Variants in PTPRD observed in about 807,000 individuals in gnomAD.
The protein encoded by PTPRD is protein tyrosine phosphatase receptor type D.
Under a neutral mutation model 214.5 loss-of-function variants are expected in PTPRD, and 34 were observed. The observed-to-expected ratio is 0.16, with a 90% confidence interval of 0.12 to 0.21. The LOEUF (loss-of-function observed/expected upper bound fraction) is 0.21, where lower values mean the gene tolerates loss of function less well. PTPRD is among the 10% of genes least tolerant of loss of function. The pLI is 1.00. For synonymous variants in PTPRD, 1,128 were observed against 845.7 expected, an observed-to-expected ratio of 1.33 and a Z score of -5.79; for missense variants, 2,545 against 2,398.7, an observed-to-expected ratio of 1.06 and a Z score of -1.27.
At chr9:9,974,431 G>GTATT (rs1430921244) in intron 4 of PTPRD, among the ~76,000 whole-genome samples, 1 of 152,070 alleles carries the variant, frequency 6.6e-6, no homozygotes, top group Non-Finnish European at 1.5e-5. Flanking sequence ...GTAAAATATC[G>GTATT]TATTTTGTCC....
At chr9:8,603,121 A>T (rs955048909) in intron 14 of PTPRD, among the ~76,000 whole-genome samples, 5 of 152,232 alleles carry the variant, frequency 3.3e-5, no homozygotes, top group Non-Finnish European at 7.3e-5. Flanking sequence ...TCATGGAAGT[A>T]TACTATAATC....
intron 9 of PTPRD, among the ~76,000 whole-genome samples, chr9:9,343,824 T>C (rs1369685753): frequency 6.6e-6 from 1 of 152,066 alleles, no homozygotes; most frequent in Non-Finnish European, 1.5e-5. Flanking sequence ...GGGGAGGATG[T>C]TTCTCTTTTC....
At chr9:8,581,676 G>A (rs1442799883) in intron 14 of PTPRD, among the ~76,000 whole-genome samples, 3 of 151,962 alleles carry the variant, frequency 2.0e-5, no homozygotes, top group Admixed American at 1.3e-4. Context: ...TGAACCCAGA[G>A]GCAAAGCTTG....
chr9:9,175,889 T>A (rs371279148), intron 10 of PTPRD, among the ~76,000 whole-genome samples: 22 of 152,118 alleles, frequency 1.4e-4, no homozygotes, highest in African/African-American at 5.3e-4. Flanking sequence ...GCAATGGGTA[T>A]AACTTAATGC....
chr9:8,361,871 A>T (rs776880510), intron 39 of PTPRD, among the ~76,000 whole-genome samples: 2 of 152,220 alleles, frequency 1.3e-5, no homozygotes, highest in Non-Finnish European at 2.9e-5. Context: ...GAAGTCCCCC[A>T]CAGGGCAGAA....
chr9:8,863,081 G>T (rs532629611), intron 11 of PTPRD, among the ~76,000 whole-genome samples: 1 of 140,116 alleles, frequency 7.1e-6, no homozygotes, highest in Non-Finnish European at 1.5e-5. Context: ...ATAAAAAAAA[G>T]AAATCCACAT....
At chr9:9,893,547 A>G (rs2074061485) in intron 5 of PTPRD, among the ~76,000 whole-genome samples, 1 of 152,202 alleles carries the variant, frequency 6.6e-6, no homozygotes, top group Non-Finnish European at 1.5e-5. Flanking sequence ...AAAAGTTTAT[A>G]TATAATTCAT....
chr9:9,387,672 T>A (rs2064324622), intron 9 of PTPRD, among the ~76,000 whole-genome samples: 1 of 152,100 alleles, frequency 6.6e-6, no homozygotes, highest in Non-Finnish European at 1.5e-5. Flanking sequence ...TAGTACATGC[T>A]ATTATTTGTC....
chr9:9,094,282 T>C (rs1252593773), intron 10 of PTPRD, among the ~76,000 whole-genome samples: 3 of 152,242 alleles, frequency 2.0e-5, no homozygotes, highest in South Asian at 4.1e-4. Context: ...AACCTAAGTG[T>C]CCATCAACCA....
intron 9 of PTPRD, among the ~76,000 whole-genome samples, chr9:9,260,733 T>C (rs1316888706): frequency 6.6e-6 from 1 of 151,810 alleles, no homozygotes; most frequent in Non-Finnish European, 1.5e-5. Context: ...TAGAATAGAA[T>C]AGTGCGGGTG....
chr9:10,206,349 C>T (rs980087947), intron 3 of PTPRD, among the ~76,000 whole-genome samples: 5 of 152,190 alleles, frequency 3.3e-5, no homozygotes, highest in African/African-American at 7.2e-5. Flanking sequence ...CTTTCTTTTC[C>T]GAGGGCACTA....
intron 30 of PTPRD, among the ~76,000 whole-genome samples, chr9:8,476,374 C>T (rs753237702): frequency 7.9e-5 from 12 of 152,132 alleles, no homozygotes; most frequent in Non-Finnish European, 1.6e-4. Context: ...CTCCCCACTG[C>T]TTACCTCCTG....
At chr9:9,507,039 T>G (rs2096586398) in intron 8 of PTPRD, among the ~76,000 whole-genome samples, 1 of 151,370 alleles carries the variant, frequency 6.6e-6, no homozygotes, top group African/African-American at 2.4e-5. Context: ...ATTCAAACAA[T>G]ACATATATGA....
intron 3 of PTPRD, among the ~76,000 whole-genome samples, chr9:10,289,260 G>T (rs1023707096): frequency 3.3e-5 from 5 of 152,048 alleles, no homozygotes; most frequent in Non-Finnish European, 5.9e-5. Context: ...TTATTAACAG[G>T]ATCTATGTGT....
chr9:10,146,102 T>A (rs990243622), intron 3 of PTPRD, among the ~76,000 whole-genome samples: 2 of 151,564 alleles, frequency 1.3e-5, no homozygotes, highest in African/African-American at 4.8e-5. Context: ...TATGTCTTAT[T>A]TTCTTAGTTT....
intron 2 of PTPRD, among the ~76,000 whole-genome samples, chr9:10,537,323 C>A (rs1462270283): frequency 3.3e-5 from 5 of 152,098 alleles, no homozygotes; most frequent in Admixed American, 1.3e-4. Context: ...GCCTTAATTC[C>A]AAATTCTGTT....
intron 33 of PTPRD, among the ~76,000 whole-genome samples, chr9:8,455,827 C>T (rs969411769): frequency 1.3e-5 from 2 of 152,102 alleles, no homozygotes; most frequent in African/African-American, 4.8e-5. Context: ...AAATCTATGC[C>T]TCAGGATGGA....
intron 3 of PTPRD, among the ~76,000 whole-genome samples, chr9:10,051,977 C>A (rs772590524): frequency 6.6e-6 from 1 of 152,058 alleles, no homozygotes; most frequent in Non-Finnish European, 1.5e-5. Flanking sequence ...CAAGGTTTTG[C>A]TCTGTTACCC....
chr9:10,070,242 A>T (rs2097976189), intron 3 of PTPRD, among the ~76,000 whole-genome samples: 1 of 151,940 alleles, frequency 6.6e-6, no homozygotes, highest in Admixed American at 6.6e-5. Flanking sequence ...ACCATTTTTG[A>T]CCCTGCAGCT....
Sources: gnomAD v4.1 joint callset for allele counts (sites outside exome capture counted in the v4.1 genomes callset) on GRCh38, gnomAD v4.1.1 for gene constraint, MANE v1.5 for transcripts, NCBI Gene and HGNC (gene_info 2026-07-23, HGNC 2026-07-21) for gene names.